Variants in SEH1L observed in about 807,000 individuals in gnomAD.
The protein encoded by SEH1L is nucleoporin SEH1.
A neutral mutation model predicts 49.5 loss-of-function variants in SEH1L; 18 were observed. That is an observed-to-expected ratio of 0.36 (90% CI 0.25 to 0.54). The LOEUF (loss-of-function observed/expected upper bound fraction) is 0.54, where lower values mean the gene tolerates loss of function less well. Ranked by LOEUF, SEH1L falls within the 20% of genes least tolerant of loss-of-function variation. SEH1L has a pLI of 0.87. For synonymous variants in SEH1L, 169 were observed against 178.1 expected (o/e 0.95, Z 0.41); for missense variants, 404 against 528.8 (o/e 0.76, Z 2.31).
chr18:12,955,543 A>C lies in SEH1L; in HGVS notation c.243A>C (p.Arg81=). 3.1e-6 allele frequency: 5 copies of C among 1,613,974 alleles called. No individual in the cohort carries two copies. Among genetic ancestry groups the C allele is most frequent in the Non-Finnish European group, 4.2e-6 (5 of 1,180,004 alleles). Residue 81 remains arginine (R), a synonymous_variant, in exon 3 of 9, where the codon CGA becomes CGC. Transcript: ENST00000399892. ...TTTTGGCTTCCTGTTCTTTTGACCG[A>C]ACAGCTGCTGTATGGGAAGAAATAG... ...GQVLASCSFD[R]TAAVWEEIVG...
intron 2 of SEH1L, among the ~76,000 whole-genome samples, chr18:12,952,844 C>T (rs1452026268): frequency 8.6e-5 from 12 of 140,030 alleles, no homozygotes; most frequent in Non-Finnish European, 1.4e-4. Flanking sequence ...TGCAGTGGTG[C>T]GATGTTGGCT....
intron 3 of SEH1L, among the ~76,000 whole-genome samples, chr18:12,956,329 A>G (rs1192591178): frequency 2.0e-5 from 3 of 152,038 alleles, no homozygotes; most frequent in African/African-American, 7.2e-5. Context: ...GGCGTGAGCC[A>G]CCACGCCTGG....
At chr18:12,979,762 C>G (rs1277028673) in intron 6 of SEH1L, among the ~76,000 whole-genome samples, 31 of 143,020 alleles carry the variant, frequency 2.2e-4, no homozygotes, top group Admixed American at 2.1e-3. Context: ...CCCCCCACCT[C>G]CCTCCCGGAC....
chr18:12,969,615 G>T (rs1294015747), intron 4 of SEH1L, among the ~76,000 whole-genome samples: 2 of 151,778 alleles, frequency 1.3e-5, no homozygotes, highest in African/African-American at 4.8e-5. Context: ...TTGAATCCAG[G>T]AGATGGAGGT....
chr18:12,979,783 T>G (rs867158439), intron 6 of SEH1L, among the ~76,000 whole-genome samples: 4,790 of 44,842 alleles, frequency 0.11, 86 homozygotes, highest in Middle Eastern at 0.22. Flanking sequence ...GGGGCGGCTG[T>G]CCGGGCAGAG....
At chr18:12,984,318 T>C in intron 8 of SEH1L, 128 bp downstream of exon 8, 1 of 1,006,484 alleles carries the variant, frequency 9.9e-7, no homozygotes, top group Non-Finnish European at 1.5e-6. Flanking sequence ...TGTATTAGCA[T>C]TTAAGAATTC....
chr18:12,979,511 C>T (rs924154734), intron 6 of SEH1L, among the ~76,000 whole-genome samples: 2 of 152,148 alleles, frequency 1.3e-5, no homozygotes, highest in Non-Finnish European at 2.9e-5. Flanking sequence ...TCAATCTTTT[C>T]CCCACCTTTC....
intron 3 of SEH1L, among the ~76,000 whole-genome samples, chr18:12,962,529 G>A (rs1454565934): frequency 8.0e-6 from 1 of 125,292 alleles, no homozygotes; most frequent in Non-Finnish European, 1.6e-5. Flanking sequence ...GTGCAGTGGT[G>A]CGATCTTTGC....
chr18:12,984,907 T>C (rs1427327781), intron 8 of SEH1L: 1 of 195,784 alleles, frequency 5.1e-6, no homozygotes, highest in Non-Finnish European at 1.0e-5. Context: ...TTATCCTATA[T>C]AAAAGAAGAA....
rs751138515 is a variant in SEH1L, at chr18:12,985,302, C to G, written c.1070+1112C>G. 5 of 1,596,746 alleles carry G rather than the reference C, an allele frequency of 3.1e-6. No homozygotes were observed. In the East Asian group the frequency reaches 1.1e-4, roughly 36 times the overall value. ...GCTGTTTTGCTGCTTGTTGCATGCA[C>G]ACAGGAATGGAAAGCGAGCTCCTTT... On this transcript the variant is annotated intron_variant, in intron 8 of 8. Transcript: ENST00000399892.
intron 3 of SEH1L, among the ~76,000 whole-genome samples, chr18:12,959,868 G>A (rs1255495218): frequency 6.6e-6 from 1 of 152,170 alleles, no homozygotes. Context: ...TATCCCCAAT[G>A]TGGAGCTGAG....
chr18:12,962,612 C>T (rs573196536), intron 3 of SEH1L, among the ~76,000 whole-genome samples: 5 of 150,068 alleles, frequency 3.3e-5, no homozygotes, highest in Admixed American at 1.3e-4. Flanking sequence ...GGGCCACAGG[C>T]GTGCACCACC....
chr18:12,957,156 G>A (rs1301705532), intron 3 of SEH1L, among the ~76,000 whole-genome samples: 2 of 152,062 alleles, frequency 1.3e-5, no homozygotes, highest in Admixed American at 6.5e-5. Flanking sequence ...GGCCGGGTGC[G>A]GTGGCTCACG....
At chr18:12,978,127 C>T (rs2032002066) in intron 5 of SEH1L, 1 of 152,292 alleles carries the variant, frequency 6.6e-6, no homozygotes, top group Non-Finnish European at 1.5e-5. Context: ...TGTGGCCAGC[C>T]AAGACCTTAT....
Position 12,958,064 on chromosome 18 carries a change from C to CTTTTTTTT in SEH1L, c.309+2485_309+2492dup, listed in dbSNP as rs57733399. ...TATAACATAATATTCCTCATTTTAA[C>CTTTTTTTT]TTTTTTTTTTTTTTTTTTTTTTTTT... On this transcript the variant is annotated intron_variant, in intron 3 of 8. Transcript: ENST00000399892. Among the ~76,000 whole-genome samples, 68 of 62,050 alleles carry CTTTTTTTT rather than the reference C, an allele frequency of 1.1e-3. 10 individuals carry two copies. The highest frequency in any genetic ancestry group is 1.4e-3 in the Non-Finnish European group (49 of 35,692). 40.7% of individuals were successfully genotyped at this position (62,050 alleles called of 152,430 possible).
chr18:12,959,550 A>G lies in SEH1L; in HGVS notation c.310-3610A>G, dbSNP rs558564499. Among the ~76,000 whole-genome samples, 5 of 152,330 alleles carry G rather than the reference A, an allele frequency of 3.3e-5. No individual in the cohort carries two copies. In the South Asian group the frequency reaches 8.3e-4, roughly 25 times the overall value. The stretch of plus-strand genomic sequence containing the variant: ...TCAATAAGCATTTTCTTTGAGCATC[A>G]TGCCAGTGCTCAAAAAGTTTTGGAG... On this transcript the variant is annotated intron_variant, in intron 3 of 8. Coordinates refer to ENST00000399892, the MANE Select transcript of SEH1L (RefSeq NM_001013437.2).
At chr18:12,951,512 TC>T (rs2030524597) in intron 1 of SEH1L, among the ~76,000 whole-genome samples, 1 of 152,210 alleles carries the variant, frequency 6.6e-6, no homozygotes, top group South Asian at 2.1e-4. Flanking sequence ...TGCCTCAGCC[TC>T]CCTAGTAGCT....
intron 7 of SEH1L, among the ~76,000 whole-genome samples, chr18:12,983,483 A>T (rs1367863733): frequency 6.6e-6 from 1 of 152,152 alleles, no homozygotes; most frequent in Non-Finnish European, 1.5e-5. Context: ...CCACCTTGCC[A>T]TGCTCCCCAG....
At chr18:12,985,158 G>A in intron 8 of SEH1L, 1 of 1,454,136 alleles carries the variant, frequency 6.9e-7, no homozygotes, top group Non-Finnish European at 9.4e-7. Flanking sequence ...TTTTTGATCT[G>A]TATTCTTATT....
Sources: gnomAD v4.1 joint callset for allele counts (sites outside exome capture counted in the v4.1 genomes callset) on GRCh38, gnomAD v4.1.1 for gene constraint, MANE v1.5 for transcripts, NCBI Gene and HGNC (gene_info 2026-07-23, HGNC 2026-07-21) for gene names.